FSTL4: variants seen among roughly 807,000 people sequenced by gnomAD.
FSTL4 encodes follistatin like 4.
A neutral mutation model predicts 78.2 loss-of-function variants in FSTL4; 28 were observed. The observed-to-expected ratio is 0.36, with a 90% CI of 0.27 to 0.49. FSTL4 has a LOEUF of 0.49. Among genes scored for constraint, FSTL4 ranks in the 20% least tolerant of loss-of-function variants. The pLI is 0.98. For synonymous variants in FSTL4, 422 were observed against 440.5 expected (o/e 0.96, Z 0.53); for missense variants, 922 against 1,084.9 (o/e 0.85, Z 2.11).
the FSTL4 span, among the ~76,000 whole-genome samples, chr5:133,621,183 G>A: frequency 1.3e-5 from 2 of 152,174 alleles, no homozygotes; most frequent in Admixed American, 1.3e-4. Context: ...GGCGGATCAC[G>A]AGGTCAGGAG....
At position 133,316,462 on chromosome 5, in the gene FSTL4, A is replaced by T; in HGVS notation, c.600T>A (p.Ala200=). The T allele has an allele frequency of 6.2e-7, 1 of 1,612,892 alleles. No homozygotes were observed. The highest frequency in any genetic ancestry group is 8.5e-7 in the Non-Finnish European group (1 of 1,179,118). ...GNGHLSSSEL[A]QHVLKKQDLD... ...TTTCACTGAACACGATGCCCACCTGAGCCAGTTCGGAGCTGCTGAGGTGGC... is the reference window on the plus strand; with the variant it reads ...TTTCACTGAACACGATGCCCACCTGTGCCAGTTCGGAGCTGCTGAGGTGGC... The change falls in exon 5 of 16, where the codon GCT becomes GCA. Residue 200 remains alanine (A), a synonymous_variant. Transcript: ENST00000265342.
the FSTL4 span, among the ~76,000 whole-genome samples, chr5:133,735,170 GA>G: frequency 2.0e-5 from 3 of 151,590 alleles, no homozygotes; most frequent in Non-Finnish European, 2.9e-5. Flanking sequence ...CATGAATTTA[GA>G]AAAAAAAGGC....
At chr5:133,692,042 T>A in the FSTL4 span, among the ~76,000 whole-genome samples, 3 of 152,110 alleles carry the variant, frequency 2.0e-5, no homozygotes, top group Non-Finnish European at 2.9e-5. Flanking sequence ...GCATCTATAG[T>A]AAAATGCAAT....
the FSTL4 span, among the ~76,000 whole-genome samples, chr5:133,838,972 A>G: frequency 1.3e-5 from 2 of 152,228 alleles, no homozygotes; most frequent in African/African-American, 4.8e-5. Flanking sequence ...CAATGGCTCC[A>G]GTTGTCCTTG....
chr5:133,806,466 T>C, the FSTL4 span, among the ~76,000 whole-genome samples: 1 of 152,252 alleles, frequency 6.6e-6, no homozygotes, highest in South Asian at 2.1e-4. Flanking sequence ...TGCATGTCAG[T>C]AAACAAAAGG....
At chr5:133,233,348 C>T (rs920305518) in intron 8 of FSTL4, 69 bp downstream of exon 8, 20 of 1,545,930 alleles carry the variant, frequency 1.3e-5, no homozygotes, top group Middle Eastern at 2.1e-4. Context: ...CAGGAGGGGG[C>T]GAGGGTTGAT....
At chr5:133,456,066 G>C (rs25875) in intron 3 of FSTL4, among the ~76,000 whole-genome samples, 54,867 of 152,130 alleles carry the variant, frequency 0.36, 10,156 homozygotes, top group South Asian at 0.43. Flanking sequence ...GGGATAGTAA[G>C]TTAGCAATGC....
intron 3 of FSTL4, among the ~76,000 whole-genome samples, chr5:133,562,943 G>C (rs1315334209): frequency 1.3e-5 from 2 of 152,182 alleles, no homozygotes; most frequent in East Asian, 1.9e-4. Context: ...GTGGACACGG[G>C]AGTATCTTAG....
chr5:133,240,202 C>G (rs1012453770), intron 7 of FSTL4, among the ~76,000 whole-genome samples: 15 of 152,180 alleles, frequency 9.9e-5, no homozygotes, highest in African/African-American at 3.6e-4. Flanking sequence ...GGAACAAACT[C>G]TGGACACGCT....
chr5:133,241,320 C>A (rs537514598), intron 7 of FSTL4, among the ~76,000 whole-genome samples: 2 of 152,320 alleles, frequency 1.3e-5, no homozygotes, highest in East Asian at 3.9e-4. Flanking sequence ...CAGTTTATGT[C>A]AGAAGTGAGG....
At chr5:133,775,684 T>C in the FSTL4 span, among the ~76,000 whole-genome samples, 12 of 152,126 alleles carry the variant, frequency 7.9e-5, no homozygotes. Context: ...TGACTTAGAC[T>C]CCTGTGGTAC....
chr5:133,254,709 A>G (rs968330020), intron 6 of FSTL4, among the ~76,000 whole-genome samples: 1 of 152,218 alleles, frequency 6.6e-6, no homozygotes, highest in Admixed American at 6.5e-5. Context: ...AGGCTACTAC[A>G]GTCTTGCCTC....
chr5:133,400,949 C>T lies in FSTL4; in HGVS notation c.198G>A (p.Gly66=). 6.2e-7 allele frequency: 1 copy of T among 1,613,306 alleles called. No homozygotes were observed. The highest frequency in any genetic ancestry group is 8.5e-7 in the Non-Finnish European group (1 of 1,180,020). Residue 66 remains glycine (G), a synonymous_variant, in exon 4 of 16, where the codon GGG becomes GGA. Coordinates refer to ENST00000265342, the MANE Select transcript of FSTL4 (RefSeq NM_015082.2). ...SSHNELLASC[G]KKFCSRGSRC... is the part of the protein sequence containing the mutation. ...GGCTCCCTCGGCTGCAGAACTTCTT[C>T]CCGCAGGAGGCCAGCAGCTCGTTGT...
chr5:133,330,730 A>AG lies in FSTL4; in HGVS notation c.410-14079dup, dbSNP rs199898092. Among the ~76,000 whole-genome samples, 404 of 152,292 alleles carry AG rather than the reference A, an allele frequency of 2.7e-3. 1 individual carries two copies. Among genetic ancestry groups the AG allele is most frequent in the African/African-American group, 9.3e-3 (386 of 41,552 alleles). On this transcript the variant is annotated intron_variant, in intron 4 of 15. Coordinates refer to ENST00000265342, the MANE Select transcript of FSTL4 (RefSeq NM_015082.2). ...ACATGTATCCATTTCAAGATAATAA[A>AG]GGGGGGCTTTACAAAAGATTTGCTA...
intron 3 of FSTL4, chr5:133,427,603 G>A: frequency 1.9e-6 from 1 of 523,332 alleles, no homozygotes; most frequent in Non-Finnish European, 4.0e-6. Flanking sequence ...AATGGCGGGG[G>A]CGATAGGGGT....
intron 7 of FSTL4, among the ~76,000 whole-genome samples, chr5:133,238,998 G>T (rs1751747273): frequency 1.3e-5 from 2 of 152,210 alleles, no homozygotes; most frequent in Non-Finnish European, 2.9e-5. Context: ...GGAGAGGCGC[G>T]GGCGGGAACC....
chr5:133,490,759 T>C (rs1300570124), intron 3 of FSTL4, among the ~76,000 whole-genome samples: 1 of 152,252 alleles, frequency 6.6e-6, no homozygotes, highest in Admixed American at 6.5e-5. Context: ...TTAGTTGGTA[T>C]TTGTTAAAAC....
chr5:133,375,176 CACCCATT>C (rs1713783051), intron 4 of FSTL4, among the ~76,000 whole-genome samples: 1 of 151,006 alleles, frequency 6.6e-6, no homozygotes, highest in Admixed American at 6.6e-5. Context: ...CACTCTTGAG[CACCCATT>C]ACCTGCTGTT....
intron 6 of FSTL4, among the ~76,000 whole-genome samples, chr5:133,291,953 C>T (rs1249830729): frequency 1.3e-5 from 2 of 152,216 alleles, no homozygotes; most frequent in East Asian, 1.9e-4. Context: ...AAGCCTTGAA[C>T]ACTTTTCTAA....
Sources: allele counts gnomAD v4.1 joint callset (sites outside exome capture counted in the v4.1 genomes callset), GRCh38; gene constraint gnomAD v4.1.1; transcripts MANE v1.5; gene names NCBI Gene and HGNC (gene_info 2026-07-23, HGNC 2026-07-21).